Variants in STPG2 observed in about 807,000 individuals in gnomAD.
STPG2 encodes sperm-tail PG-rich repeat-containing protein 2.
STPG2 carries 56 observed loss-of-function variants against 54.2 expected under a neutral mutation model. The observed-to-expected ratio is 1.03, with a 90% confidence interval of 0.83 to 1.29. The LOEUF (loss-of-function observed/expected upper bound fraction) is 1.29. STPG2 is among the 50% of genes most tolerant of loss of function. The pLI, the probability that STPG2 is intolerant of heterozygous loss-of-function variation, is 0.00. For synonymous variants in STPG2, 200 were observed against 181.8 expected (o/e 1.10, Z -0.81); for missense variants, 596 against 544.9 (o/e 1.09, Z -0.93).
At chr4:97,808,862 C>CA (rs1238280221) in intron 9 of STPG2, among the ~76,000 whole-genome samples, 3 of 151,724 alleles carry the variant, frequency 2.0e-5, no homozygotes, top group African/African-American at 7.3e-5. Flanking sequence ...GACTCTCAAG[C>CA]AAAAAAGCTA....
At chr4:97,692,541 G>A (rs1341480640) in intron 10 of STPG2, among the ~76,000 whole-genome samples, 1 of 152,046 alleles carries the variant, frequency 6.6e-6, no homozygotes, top group Admixed American at 6.5e-5. Context: ...AAGAAGTCTG[G>A]GATTATGTTA....
chr4:97,705,334 T>TA (rs1723907032), intron 10 of STPG2, among the ~76,000 whole-genome samples: 1 of 151,484 alleles, frequency 6.6e-6, no homozygotes, highest in African/African-American at 2.4e-5. Context: ...AGAAATTCTT[T>TA]TTTTTTTCTG....
At chr4:97,964,306 C>A (rs1734007223) in intron 7 of STPG2, among the ~76,000 whole-genome samples, 1 of 152,030 alleles carries the variant, frequency 6.6e-6, no homozygotes, top group Non-Finnish European at 1.5e-5. Flanking sequence ...GAACGTGGAT[C>A]TTTTATAATG....
chr4:98,087,445 G>A (rs796083370), intron 5 of STPG2, among the ~76,000 whole-genome samples: 3 of 151,784 alleles, frequency 2.0e-5, no homozygotes, highest in African/African-American at 7.2e-5. Flanking sequence ...CCAGCTACAC[G>A]TTTTCTACTT....
In STPG2 at chr4:97,446,679, G is replaced by C. The variant is rs149178082; in HGVS notation, c.463-258846C>G. Among the ~76,000 whole-genome samples the C allele has an allele frequency of 4.2e-3, 634 of 152,246 alleles. 3 individuals carry two copies. Among genetic ancestry groups the C allele is most frequent in the South Asian group, 0.02 (96 of 4,814 alleles). The stretch of plus-strand genomic sequence containing the variant: ...GACTAAGTTCTCATGAGATCTGATG[G>C]TTTTATAAGTGTTGGCAGTACCTCT... On this transcript the variant is annotated intron_variant, in intron 4 of 4. Coordinates refer to the STPG2 transcript ENST00000522676.
At chr4:97,945,184 G>A (rs1486517718) in intron 7 of STPG2, among the ~76,000 whole-genome samples, 1 of 151,972 alleles carries the variant, frequency 6.6e-6, no homozygotes, top group African/African-American at 2.4e-5. Flanking sequence ...TACCCAATAA[G>A]TAGTTTTTTA....
intron 5 of STPG2, among the ~76,000 whole-genome samples, chr4:98,051,848 C>T (rs993457226): frequency 1.3e-5 from 2 of 151,978 alleles, no homozygotes; most frequent in Admixed American, 1.3e-4. Context: ...TCAAGCCTCA[C>T]TTTGGGAGAC....
At chr4:97,674,473 G>T (rs1298952667) in intron 10 of STPG2, among the ~76,000 whole-genome samples, 1 of 152,204 alleles carries the variant, frequency 6.6e-6, no homozygotes, top group Non-Finnish European at 1.5e-5. Flanking sequence ...CAATGGTCAT[G>T]TGGGTATGTT....
At chr4:97,512,090 A>T (rs1368562127) in intron 4 of STPG2, among the ~76,000 whole-genome samples, 1 of 152,068 alleles carries the variant, frequency 6.6e-6, no homozygotes, top group Non-Finnish European at 1.5e-5. Flanking sequence ...GTCATATAAG[A>T]AAATTGGACT....
chr4:97,990,645 C>T (rs1295830376), intron 5 of STPG2, among the ~76,000 whole-genome samples: 1 of 152,142 alleles, frequency 6.6e-6, no homozygotes, highest in Admixed American at 6.6e-5. Flanking sequence ...GAATCACTAC[C>T]ATAGCATCTT....
chr4:97,857,192 T>A (rs1298187219), intron 8 of STPG2, among the ~76,000 whole-genome samples: 1 of 152,050 alleles, frequency 6.6e-6, no homozygotes, highest in African/African-American at 2.4e-5. Flanking sequence ...TAGACAGGAG[T>A]CTCTTCTTTT....
chr4:97,612,485 A>G (rs941481905), intron 10 of STPG2, among the ~76,000 whole-genome samples: 1 of 152,108 alleles, frequency 6.6e-6, no homozygotes, highest in Non-Finnish European at 1.5e-5. Flanking sequence ...GTACCAAAGT[A>G]AACAGTTCTA....
chr4:98,088,708 A>C (rs1434705726), intron 5 of STPG2, among the ~76,000 whole-genome samples: 8 of 149,006 alleles, frequency 5.4e-5, no homozygotes, highest in African/African-American at 1.7e-4. Context: ...GCCATTCAAG[A>C]GCTTATTCTC....
intron 4 of STPG2, among the ~76,000 whole-genome samples, chr4:97,485,590 A>G (rs184055566): frequency 3.9e-4 from 59 of 152,130 alleles, no homozygotes; most frequent in African/African-American, 1.3e-3. Context: ...TCCCATGCTC[A>G]TGGATGGATA....
intron 7 of STPG2, among the ~76,000 whole-genome samples, chr4:97,968,500 C>G (rs1734199983): frequency 1.3e-5 from 2 of 152,154 alleles, no homozygotes; most frequent in Non-Finnish European, 2.9e-5. Flanking sequence ...GAATTTTAGA[C>G]CAATATCCCT....
chr4:97,941,991 G>A (rs1392847507), intron 8 of STPG2, among the ~76,000 whole-genome samples: 2 of 151,790 alleles, frequency 1.3e-5, no homozygotes, highest in Non-Finnish European at 2.9e-5. Flanking sequence ...GATCTAAAGA[G>A]GGACAAAGTT....
At chr4:97,643,839 C>A (rs929146588) in intron 10 of STPG2, among the ~76,000 whole-genome samples, 1 of 151,688 alleles carries the variant, frequency 6.6e-6, no homozygotes, top group African/African-American at 2.4e-5. Flanking sequence ...TGGTAAAATT[C>A]ACCTTATTTT....
chr4:97,484,983 G>T (rs1041964433), intron 4 of STPG2, among the ~76,000 whole-genome samples: 1 of 151,812 alleles, frequency 6.6e-6, no homozygotes, highest in Non-Finnish European at 1.5e-5. Context: ...ACTAGATGCA[G>T]AAAAAGCATT....
chr4:97,613,318 T>TGTGATTGC (rs1395383944), intron 10 of STPG2, among the ~76,000 whole-genome samples: 4 of 152,204 alleles, frequency 2.6e-5, no homozygotes, highest in African/African-American at 9.6e-5. Flanking sequence ...TCCTTCAGTG[T>TGTGATTGC]GTGATTGCGT....
Sources: gnomAD v4.1 joint callset for allele counts (sites outside exome capture counted in the v4.1 genomes callset) on GRCh38, gnomAD v4.1.1 for gene constraint, MANE v1.5 for transcripts, NCBI Gene and HGNC (gene_info 2026-07-23, HGNC 2026-07-21) for gene names.